The following LCORL variants were observed in gnomAD, a reference collection of about 807,000 sequenced individuals.
LCORL encodes ligand dependent nuclear receptor corepressor like.
A neutral mutation model predicts 141.8 loss-of-function variants in LCORL; 41 were observed. The observed-to-expected ratio is 0.29, with a 90% CI of 0.23 to 0.38. LCORL has a LOEUF of 0.38. LCORL is among the 10% of genes least tolerant of loss of function. The pLI is 1.00. For synonymous variants in LCORL, 618 were observed against 694.1 expected, an observed-to-expected ratio of 0.89 and a Z score of 1.72; for missense variants, 1,759 against 2,035.0, an observed-to-expected ratio of 0.86 and a Z score of 2.61.
At chr4:17,988,684 C>G (rs1269281679) in intron 1 of LCORL, among the ~76,000 whole-genome samples, 2 of 152,128 alleles carry the variant, frequency 1.3e-5, no homozygotes, top group Non-Finnish European at 2.9e-5. Context: ...AAGATGTTAA[C>G]TTAAAAATAA....
chr4:18,011,382 C>T (rs1456912608), intron 1 of LCORL, among the ~76,000 whole-genome samples: 2 of 151,312 alleles, frequency 1.3e-5, no homozygotes, highest in African/African-American at 4.9e-5. Context: ...AACAGATGTT[C>T]CAAATGAAAA....
intron 4 of LCORL, chr4:17,911,578 A>C: frequency 3.2e-6 from 1 of 311,466 alleles, no homozygotes; most frequent in South Asian, 3.3e-5. Flanking sequence ...AAAGCTTATG[A>C]GGATAATGGC....
chr4:17,962,208 C>T (rs921784618), intron 3 of LCORL, among the ~76,000 whole-genome samples, 176 bp from the exon 4 acceptor site: 3 of 151,012 alleles, frequency 2.0e-5, no homozygotes, highest in Non-Finnish European at 4.4e-5. Flanking sequence ...AAAGAAATAG[C>T]TCTGATAGAG....
rs1471224 is a variant in LCORL at position 18,007,149 on chromosome 4, T to C, written c.154+14449A>G. On this transcript the variant is annotated intron_variant, in intron 1 of 7. Transcript: ENST00000635767. ...AGAGTAATCTTATAAAACCACAAAT[T>C]AAACTATATCACTCCCATGCTTAAA... 2.7e-3 allele frequency among the ~76,000 whole-genome samples: 405 copies of C among 152,302 alleles called. 3 individuals carry two copies. The highest frequency in any genetic ancestry group is 9.2e-3 in the African/African-American group (383 of 41,580).
chr4:17,922,661 C>A (rs1332840687), intron 4 of LCORL, among the ~76,000 whole-genome samples: 1 of 152,102 alleles, frequency 6.6e-6, no homozygotes, highest in Non-Finnish European at 1.5e-5. Flanking sequence ...TCTTATCATG[C>A]GAGTGGCTGA....
chr4:18,021,871 T>A lies in LCORL; in HGVS notation c.-120A>T, dbSNP rs1311679741. The A allele has an allele frequency of 1.1e-5, 12 of 1,129,666 alleles. No individual in the cohort carries two copies. Among genetic ancestry groups the A allele is most frequent in the Non-Finnish European group, 1.3e-5 (11 of 842,122 alleles). The allele number at this position is 1,129,666 out of a possible 1,614,324, so 70.0% of individuals were successfully genotyped here. A position where few individuals can be genotyped will look rare whatever the true frequency, so the allele number is the denominator to read the frequency against. On this transcript the variant is annotated 5_prime_UTR_variant, in exon 1 of 8. Coordinates refer to ENST00000635767, the Ensembl canonical transcript of LCORL. This position sits in a 1 kb window ranked among gnomAD's most constrained non-coding sequence, Gnocchi z 5.5. ...CCCCGGAGGGGGGTTGATTGACACG[T>A]GTCACTACCTTCCCTCTGCCCTGCC...
At chr4:17,987,661 TC>T (rs1383794285) in intron 1 of LCORL, among the ~76,000 whole-genome samples, 1 of 152,214 alleles carries the variant, frequency 6.6e-6, no homozygotes, top group Non-Finnish European at 1.5e-5. Context: ...TAACAATTTC[TC>T]CACATCCTTA....
chr4:17,855,831 T>C (rs1005723366), intron 7 of LCORL, among the ~76,000 whole-genome samples: 4 of 152,176 alleles, frequency 2.6e-5, no homozygotes, highest in Non-Finnish European at 5.9e-5. Context: ...ATGAATGAAA[T>C]AAAAACTGCT....
intron 1 of LCORL, among the ~76,000 whole-genome samples, chr4:18,019,612 T>A (rs188485096): frequency 1.6e-4 from 24 of 152,328 alleles, no homozygotes; most frequent in Non-Finnish European, 3.1e-4. Context: ...CATTTAAAGT[T>A]TGACTATTTT....
chr4:17,856,579 C>T (rs964599556), intron 7 of LCORL, among the ~76,000 whole-genome samples: 31 of 152,278 alleles, frequency 2.0e-4, no homozygotes, highest in Middle Eastern at 6.8e-3. Flanking sequence ...GACTAAAGCA[C>T]CCTCTTTCAT....
At chr4:18,013,000 T>G (rs1724047134) in intron 1 of LCORL, among the ~76,000 whole-genome samples, 1 of 152,224 alleles carries the variant, frequency 6.6e-6, no homozygotes, top group African/African-American at 2.4e-5. Flanking sequence ...GCACATATCT[T>G]AATTACTTTC....
chr4:17,988,560 A>G (rs777656875), intron 1 of LCORL, among the ~76,000 whole-genome samples: 3 of 152,230 alleles, frequency 2.0e-5, no homozygotes, highest in South Asian at 4.1e-4. Flanking sequence ...TATGTTAAAC[A>G]TCACTATTTT....
At chr4:18,005,171 A>G (rs1396082117) in intron 1 of LCORL, among the ~76,000 whole-genome samples, 2 of 152,142 alleles carry the variant, frequency 1.3e-5, no homozygotes, top group Non-Finnish European at 2.9e-5. Context: ...CACCCGCCTC[A>G]GCATCTCAAA....
At chr4:17,998,110 T>G (rs1721201862) in intron 1 of LCORL, among the ~76,000 whole-genome samples, 1 of 152,072 alleles carries the variant, frequency 6.6e-6, no homozygotes, top group Admixed American at 6.6e-5. Context: ...CCTAAACGTA[T>G]CTAAACATAG....
intron 7 of LCORL, among the ~76,000 whole-genome samples, chr4:17,859,451 T>C (rs1054882436): frequency 1.3e-5 from 2 of 152,176 alleles, no homozygotes; most frequent in African/African-American, 4.8e-5. Flanking sequence ...CAGACTTTTA[T>C]AGACATACAA....
chr4:17,996,183 A>G (rs370444883), intron 1 of LCORL, among the ~76,000 whole-genome samples: 1 of 152,096 alleles, frequency 6.6e-6, no homozygotes, highest in Non-Finnish European at 1.5e-5. Context: ...CAACCAGGAT[A>G]TATCCATATT....
chr4:18,008,116 G>C (rs774848771), intron 1 of LCORL, among the ~76,000 whole-genome samples: 3 of 152,162 alleles, frequency 2.0e-5, no homozygotes, highest in Non-Finnish European at 4.4e-5. Context: ...AGATGGAAAG[G>C]TATTGCTCAT....
At chr4:17,960,236 G>C (rs1168054256) in intron 4 of LCORL, 2 of 154,300 alleles carry the variant, frequency 1.3e-5, no homozygotes, top group African/African-American at 4.8e-5. Flanking sequence ...CAGAAATGGA[G>C]AGGTCACTAA....
In LCORL at chr4:18,006,218, A is replaced by G. The variant is rs144974399; in HGVS notation, c.154+15380T>C. 7.6e-3 allele frequency among the ~76,000 whole-genome samples: 1,152 copies of G among 152,194 alleles called. 11 individuals carry two copies. The highest frequency in any genetic ancestry group is 0.026 in the African/African-American group (1,093 of 41,528). On this transcript the variant is annotated intron_variant, in intron 1 of 7. Coordinates refer to ENST00000635767, the Ensembl canonical transcript of LCORL. ...TACCAGTCTGTTTGCTAAAACATAA[A>G]AAGAGTCACCTTTGCTCCAGTTCCC...
Sources: gnomAD v4.1 joint callset for allele counts (sites outside exome capture counted in the v4.1 genomes callset) on GRCh38, gnomAD v4.1.1 for gene constraint, Gnocchi (gnomAD v3.1) non-coding constraint, MANE v1.5 for transcripts, NCBI Gene and HGNC (gene_info 2026-07-23, HGNC 2026-07-21) for gene names.